Variants in LOC128462377 observed in about 807,000 individuals in gnomAD.
At chr16:89,409,497 G>A in the LOC128462377 span, among the ~76,000 whole-genome samples, 1 of 152,208 alleles carries the variant, frequency 6.6e-6, no homozygotes. Context: ...TGAGGGAGAT[G>A]AGCAAGACAG....
the LOC128462377 span, among the ~76,000 whole-genome samples, chr16:89,360,035 T>C: frequency 1.3e-5 from 2 of 152,134 alleles, no homozygotes; most frequent in African/African-American, 2.4e-5. Context: ...CAGTTATCTT[T>C]TCTGCTCCTC....
the LOC128462377 span, among the ~76,000 whole-genome samples, chr16:89,416,766 C>CAA: frequency 5.0e-4 from 53 of 105,982 alleles, no homozygotes; most frequent in African/African-American, 1.6e-3. Context: ...TCTGTTTCTA[C>CAA]AAAAAAAAAA....
the LOC128462377 span, among the ~76,000 whole-genome samples, chr16:89,367,974 A>G: frequency 6.6e-6 from 1 of 152,170 alleles, no homozygotes; most frequent in African/African-American, 2.4e-5. Flanking sequence ...ACTGCACTCC[A>G]GTGTGGGTGA....
the LOC128462377 span, among the ~76,000 whole-genome samples, chr16:89,343,282 C>T: frequency 3.8e-3 from 577 of 152,326 alleles, 2 homozygotes; most frequent in African/African-American, 0.013. Context: ...TGTGAGCCAC[C>T]GCACTGGGCC....
chr16:89,341,233 T>G, the LOC128462377 span, among the ~76,000 whole-genome samples: 4 of 152,226 alleles, frequency 2.6e-5, no homozygotes, highest in Non-Finnish European at 5.9e-5. Context: ...GCTGCCATCA[T>G]GGCAAGCAGA....
chr16:89,323,362 C>A, the LOC128462377 span: 7 of 1,287,028 alleles, frequency 5.4e-6, no homozygotes, highest in Non-Finnish European at 7.1e-6. Context: ...ACTGGCCTCT[C>A]ACCTCTCACC....
chr16:89,338,118 C>T, the LOC128462377 span, among the ~76,000 whole-genome samples: 1 of 152,200 alleles, frequency 6.6e-6, no homozygotes, highest in African/African-American at 2.4e-5. Context: ...CCCAGGACGC[C>T]GCCCGTCAGG....
At chr16:89,317,942 G>C in the LOC128462377 span, among the ~76,000 whole-genome samples, 1 of 152,098 alleles carries the variant, frequency 6.6e-6, no homozygotes, top group Admixed American at 6.5e-5. Context: ...AACCAGCGCA[G>C]AGCCAGGTAA....
chr16:89,347,106 C>G, the LOC128462377 span, among the ~76,000 whole-genome samples: 2 of 151,872 alleles, frequency 1.3e-5, no homozygotes, highest in African/African-American at 2.4e-5. Context: ...CTCCTAGGCC[C>G]GTGGAGGTGT....
chr16:89,368,461 T>C, the LOC128462377 span, among the ~76,000 whole-genome samples: 52 of 137,606 alleles, frequency 3.8e-4, no homozygotes, highest in African/African-American at 1.4e-3. Context: ...GACCTCGTGA[T>C]CCACCTGCCT....
the LOC128462377 span, chr16:89,418,258 T>C: frequency 4.4e-6 from 2 of 452,858 alleles, no homozygotes; most frequent in Middle Eastern, 6.9e-4. Context: ...AAACATAAAT[T>C]GATAGAGAAT....
the LOC128462377 span, among the ~76,000 whole-genome samples, chr16:89,335,115 C>A: frequency 3.3e-5 from 5 of 152,190 alleles, no homozygotes; most frequent in Non-Finnish European, 7.3e-5. Flanking sequence ...CCCCAAATAA[C>A]TAATCAGGAC....
chr16:89,360,945 C>CACTGA, the LOC128462377 span, among the ~76,000 whole-genome samples: 3 of 152,130 alleles, frequency 2.0e-5, no homozygotes, highest in Admixed American at 2.0e-4. Flanking sequence ...GGGACTTGGC[C>CACTGA]ACTGCTCTGC....
the LOC128462377 span, among the ~76,000 whole-genome samples, chr16:89,347,925 T>C: frequency 6.6e-6 from 1 of 151,902 alleles, no homozygotes; most frequent in Non-Finnish European, 1.5e-5. Flanking sequence ...TCCTCATGAA[T>C]AGGTATGGGA....
At chr16:89,406,832 T>C in the LOC128462377 span, among the ~76,000 whole-genome samples, 3 of 152,014 alleles carry the variant, frequency 2.0e-5, no homozygotes, top group Non-Finnish European at 4.4e-5. Flanking sequence ...AAAGGACAGC[T>C]GTGGAATATG....
At chr16:89,381,593 T>C in the LOC128462377 span, among the ~76,000 whole-genome samples, 2 of 152,178 alleles carry the variant, frequency 1.3e-5, no homozygotes, top group African/African-American at 2.4e-5. Flanking sequence ...GATGATACGC[T>C]TTCCAACAAG....
chr16:89,334,158 A>AC, the LOC128462377 span, among the ~76,000 whole-genome samples: 24 of 140,370 alleles, frequency 1.7e-4, no homozygotes, highest in East Asian at 1.2e-3. Flanking sequence ...AAAAAAAAAA[A>AC]AAAAAAAAAA....
the LOC128462377 span, among the ~76,000 whole-genome samples, chr16:89,415,931 G>A: frequency 2.7e-5 from 4 of 150,676 alleles, no homozygotes; most frequent in East Asian, 2.0e-4. Flanking sequence ...GTCACACTGC[G>A]CCCAACCTCT....
the LOC128462377 span, among the ~76,000 whole-genome samples, chr16:89,377,732 G>A: frequency 6.6e-6 from 1 of 152,110 alleles, no homozygotes; most frequent in South Asian, 2.1e-4. Flanking sequence ...TGTGACATGG[G>A]CACTGAAACT....
Sources: gnomAD v4.1 joint callset for allele counts (sites outside exome capture counted in the v4.1 genomes callset) on GRCh38, gnomAD v4.1.1 for gene constraint, MANE v1.5 for transcripts.